The following ITM2B variants were observed in gnomAD, a reference collection of about 807,000 sequenced individuals.
The protein encoded by ITM2B is ABri/ADan amyloid peptide.
A neutral mutation model predicts 27.8 loss-of-function variants in ITM2B; 11 were observed. That is an observed-to-expected ratio of 0.40 (90% CI 0.25 to 0.66). The LOEUF (loss-of-function observed/expected upper bound fraction) is 0.66. ITM2B is among the 30% of genes least tolerant of loss of function. The probability of loss-of-function intolerance (pLI) is 0.43; values close to 1 mark genes in which losing one functional copy is unlikely to be tolerated. For synonymous variants in ITM2B, 114 were observed against 114.3 expected (o/e 1.00, Z 0.02); for missense variants, 296 against 328.9 (o/e 0.90, Z 0.77).
chr13:48,233,517 C>G, intron 1 of ITM2B, 40 bp downstream of exon 1: 2 of 1,395,428 alleles, frequency 1.4e-6, no homozygotes, highest in Non-Finnish European at 1.9e-6. Context: ...GTGCTGGGCC[C>G]GGCCGGGGAG....
chr13:48,257,261 C>G (rs548215722), intron 3 of ITM2B, among the ~76,000 whole-genome samples: 184 of 152,216 alleles, frequency 1.2e-3, no homozygotes, highest in Non-Finnish European at 2.1e-3. Context: ...AACTGAAACT[C>G]GAGAAGCACA....
rs930317614 is a variant in ITM2B at position 48,267,535 on chromosome 13, T to C, written c.*6311T>C. On this transcript the variant is annotated 3_prime_UTR_variant, in exon 6 of 6. Coordinates refer to ENST00000647800, the MANE Select transcript of ITM2B (RefSeq NM_021999.5). ...ATGAGTGCCTTCCTTTAGCTCCCCA[T>C]AGAAATGTCTTTGTATAACCATGGC... 3 of 152,200 alleles carry C rather than the reference T, an allele frequency of 2.0e-5. No individual in the cohort carries two copies. In the East Asian group the frequency reaches 5.8e-4, roughly 29 times the overall value. The allele number at this position is 152,200 out of a possible 1,614,324, so 9.4% of individuals were successfully genotyped here.
chr13:48,266,700 G>C lies in ITM2B; in HGVS notation c.*5476G>C, dbSNP rs894997991. On this transcript the variant is annotated 3_prime_UTR_variant, in exon 6 of 6. Transcript: ENST00000647800. ...GCTACATTTCATGGATTAACTCCAT[G>C]AAATGGAGTTCAGCTAGTAAGGGTT... The C allele has an allele frequency of 6.6e-6, 1 of 152,120 alleles. No individual in the cohort carries two copies. The highest frequency in any genetic ancestry group is 1.5e-5 in the Non-Finnish European group (1 of 68,032). 9.4% of individuals were successfully genotyped at this position (152,120 alleles called of 1,614,324 possible).
intron 1 of ITM2B, among the ~76,000 whole-genome samples, chr13:48,241,508 GC>G (rs1951699981): frequency 6.6e-6 from 1 of 152,126 alleles, no homozygotes; most frequent in Non-Finnish European, 1.5e-5. Flanking sequence ...ATAGCACCTG[GC>G]CCTCCATGTT....
intron 1 of ITM2B, among the ~76,000 whole-genome samples, chr13:48,243,751 A>G (rs1951711673): frequency 6.6e-6 from 1 of 152,098 alleles, no homozygotes; most frequent in Non-Finnish European, 1.5e-5. Context: ...CAGGAGGTTG[A>G]GGCTGCAGTG....
rs1951855629 is a variant in ITM2B at position 48,266,755 on chromosome 13, CTTG to C, written c.*5537_*5539del. 1 of 151,942 alleles carries C rather than the reference CTTG, an allele frequency of 6.6e-6. No homozygotes were observed. 9.4% of individuals were successfully genotyped at this position (151,942 alleles called of 1,614,324 possible). On this transcript the variant is annotated 3_prime_UTR_variant, in exon 6 of 6. Coordinates refer to ENST00000647800, the MANE Select transcript of ITM2B (RefSeq NM_021999.5). ...TTTGAGGCTATTTCATCTTGATGGG[CTTG>C]TTGTTCAAAGTTAGAGCCTCATTTT... is the stretch of plus-strand genomic sequence containing the variant.
chr13:48,241,419 C>T (rs1593389173), intron 1 of ITM2B, among the ~76,000 whole-genome samples: 1 of 152,180 alleles, frequency 6.6e-6, no homozygotes, highest in Non-Finnish European at 1.5e-5. Flanking sequence ...ACCATGTTGA[C>T]CAGGCTGGTC....
At chr13:48,234,144 A>G (rs749895388) in intron 1 of ITM2B, among the ~76,000 whole-genome samples, 6 of 152,084 alleles carry the variant, frequency 3.9e-5, no homozygotes, top group Non-Finnish European at 8.8e-5. Context: ...TGAAAAACCA[A>G]TTGTTGGCAT....
chr13:48,256,317 T>C lies in ITM2B; in HGVS notation c.387T>C (p.Phe129=). The C allele has an allele frequency of 6.2e-7, 1 of 1,613,860 alleles. No individual in the cohort carries two copies. Among genetic ancestry groups the C allele is most frequent in the Non-Finnish European group, 8.5e-7 (1 of 1,179,746 alleles). Residue 129 remains phenylalanine, a synonymous_variant, in exon 3 of 6, where the codon TTT becomes TTC. Coordinates refer to ENST00000647800, the MANE Select transcript of ITM2B (RefSeq NM_021999.5). The stretch of plus-strand genomic sequence containing the variant: ...TCTTTGAAGAAGAAGAAGTTGAATT[T>C]ATCAGTGTGCCTGTCCCAGAGTTTG... ...IKIFEEEEVE[F]ISVPVPEFAD...
intron 1 of ITM2B, among the ~76,000 whole-genome samples, chr13:48,243,673 C>A (rs1247902968): frequency 6.6e-6 from 1 of 151,780 alleles, no homozygotes; most frequent in African/African-American, 2.4e-5. Context: ...AAAAATTAGC[C>A]ATGTGTGGTG....
rs1169861097 is a variant in ITM2B, at chr13:48,262,163, A to C, written c.*939A>C. 6.6e-6 allele frequency: 1 copy of C among 152,146 alleles called. No homozygotes were observed. Among genetic ancestry groups the C allele is most frequent in the African/African-American group, 2.4e-5 (1 of 41,444 alleles). The allele number at this position is 152,146 out of a possible 1,614,324, so 9.4% of individuals were successfully genotyped here. ...AAGGCAATCAAAGCCTAAAGTTTCCAAGGAACGTAAAATAACTGTGCTTCT... is the reference window on the plus strand; with the variant it reads ...AAGGCAATCAAAGCCTAAAGTTTCCCAGGAACGTAAAATAACTGTGCTTCT... On this transcript the variant is annotated 3_prime_UTR_variant, in exon 6 of 6. Transcript: ENST00000647800.
chr13:48,259,142 AAAGGTC>A (rs1193298942), intron 5 of ITM2B, among the ~76,000 whole-genome samples, 195 bp downstream of exon 5: 2 of 152,212 alleles, frequency 1.3e-5, no homozygotes, highest in African/African-American at 4.8e-5. Context: ...GGTGGAGAGA[AAAGGTC>A]AATGTGAAAT....
rs1951831691 is a variant in ITM2B, at chr13:48,263,061, A to T, written c.*1837A>T. The T allele has an allele frequency of 2.0e-5, 3 of 152,222 alleles. No individual in the cohort carries two copies. The highest frequency in any genetic ancestry group is 4.4e-5 in the Non-Finnish European group (3 of 68,036). 9.4% of individuals were successfully genotyped at this position (152,222 alleles called of 1,614,324 possible). ...CTTCATGCAGTAGGAATATGCTTTCATCACAGTCCAGTATGGCAGGCAACC... is the reference window on the plus strand; with the variant it reads ...CTTCATGCAGTAGGAATATGCTTTCTTCACAGTCCAGTATGGCAGGCAACC... On this transcript the variant is annotated 3_prime_UTR_variant, in exon 6 of 6. Coordinates refer to ENST00000647800, the MANE Select transcript of ITM2B (RefSeq NM_021999.5).
In ITM2B at chr13:48,264,654, T is replaced by C. The variant is rs1427674888; in HGVS notation, c.*3430T>C. The C allele has an allele frequency of 1.3e-5, 2 of 152,190 alleles. No individual in the cohort carries two copies. Among genetic ancestry groups the C allele is most frequent in the Admixed American group, 1.3e-4 (2 of 15,278 alleles). The allele number at this position is 152,190 out of a possible 1,614,324, so 9.4% of individuals were successfully genotyped here. On this transcript the variant is annotated 3_prime_UTR_variant, in exon 6 of 6. Coordinates refer to ENST00000647800, the MANE Select transcript of ITM2B (RefSeq NM_021999.5). Reference sequence around the variant, plus strand: ...CATGTTTAACTCTTTGGGACTTAGGTTCCTAGATAAGGACTTCATGTGTAT... The same window carrying C: ...CATGTTTAACTCTTTGGGACTTAGGCTCCTAGATAAGGACTTCATGTGTAT...
rs568963632 is a variant in ITM2B, at chr13:48,269,059, A to G, written c.*7835A>G. On this transcript the variant is annotated 3_prime_UTR_variant, in exon 6 of 6. Transcript: ENST00000647800. ...TCCAAATTCCCATTTTGCTTGTCCA[A>G]TAGGCATTATCAGATACAACATGTT... 3.6e-4 allele frequency: 55 copies of G among 152,280 alleles called. 1 individual carries two copies. The highest frequency in any genetic ancestry group is 1.3e-3 in the Admixed American group (20 of 15,292). 9.4% of individuals were successfully genotyped at this position (152,280 alleles called of 1,614,324 possible).
At chr13:48,235,147 A>G (rs1951660420) in intron 1 of ITM2B, among the ~76,000 whole-genome samples, 1 of 152,128 alleles carries the variant, frequency 6.6e-6, no homozygotes, top group Non-Finnish European at 1.5e-5. Flanking sequence ...TGTAGTGGAG[A>G]TTTGAAACTC....
intron 2 of ITM2B, among the ~76,000 whole-genome samples, chr13:48,255,468 T>A (rs1440847096): frequency 6.6e-6 from 1 of 151,980 alleles, no homozygotes; most frequent in Non-Finnish European, 1.5e-5. Context: ...CTAATTTTTT[T>A]ATTTTTTGTG....
Position 48,253,837 on chromosome 13 carries a change from A to T in ITM2B, c.147A>T (p.Gln49His), listed in dbSNP as rs765283434. Residue 49 changes from glutamine (Q) to histidine (H), a missense_variant, in exon 2 of 6, where the codon CAA becomes CAT. Gln to His is a conservative substitution (Grantham distance 24, BLOSUM62 0). Coordinates refer to ENST00000647800, the MANE Select transcript of ITM2B (RefSeq NM_021999.5). ...KDPDDVVPVG[Q>H]RRAWCWCMCF... The stretch of plus-strand genomic sequence containing the variant: ...CAGATGATGTGGTACCAGTTGGCCA[A>T]AGAAGAGCCTGGTGTTGGTGCATGT... The T allele has an allele frequency of 6.8e-6, 11 of 1,614,030 alleles. No individual in the cohort carries two copies. The South Asian group carries it at 1.2e-4, about 18-fold the overall frequency.
rs1382284723 is a variant in ITM2B, at chr13:48,268,149, A to G, written c.*6925A>G. ...ACTTTATTTGAATGGAATCGTACAT[A>G]TATAATCTTTTTGTTTGGCTTTTAA... On this transcript the variant is annotated 3_prime_UTR_variant, in exon 6 of 6. Transcript: ENST00000647800. The G allele has an allele frequency of 6.6e-6, 1 of 152,080 alleles. No homozygotes were observed. Among genetic ancestry groups the G allele is most frequent in the Non-Finnish European group, 1.5e-5 (1 of 68,008 alleles). The allele number at this position is 152,080 out of a possible 1,614,324, so 9.4% of individuals were successfully genotyped here.
Sources: gnomAD v4.1 joint callset for allele counts (sites outside exome capture counted in the v4.1 genomes callset) on GRCh38, gnomAD v4.1.1 for gene constraint, MANE v1.5 for transcripts, NCBI Gene and HGNC (gene_info 2026-07-23, HGNC 2026-07-21) for gene names.